PRMT9: variants seen among roughly 807,000 people sequenced by gnomAD.
PRMT9 encodes protein arginine methyltransferase 9.
Under a neutral mutation model 83.2 loss-of-function variants are expected in PRMT9, and 59 were observed. That is an observed-to-expected ratio of 0.71 (90% CI 0.57 to 0.88). The LOEUF (loss-of-function observed/expected upper bound fraction) is 0.88. PRMT9 is among the 40% of genes least tolerant of loss of function. The probability of loss-of-function intolerance (pLI) is 0.00; values close to 1 mark genes in which losing one functional copy is unlikely to be tolerated. For synonymous variants in PRMT9, 333 were observed against 353.2 expected, an observed-to-expected ratio of 0.94 and a Z score of 0.64; for missense variants, 947 against 1,021.9, an observed-to-expected ratio of 0.93 and a Z score of 1.00.
chr4:147,654,364 T>C lies in PRMT9; in HGVS notation c.1533A>G (p.Pro511=). ...SALANLQTSK[P]DAVEQTCILE... is the part of the protein sequence containing the mutation. ...ATATACATGTCTGCTCTACAGCATCTGGTTTACTGGTCTGAAGGTTAGCGA... is the reference window on the plus strand; with the variant it reads ...ATATACATGTCTGCTCTACAGCATCCGGTTTACTGGTCTGAAGGTTAGCGA... Residue 511 remains proline (P), a synonymous_variant, in exon 9 of 12, where the codon CCA becomes CCG. Transcript: ENST00000322396. 6.2e-7 allele frequency: 1 copy of C among 1,614,200 alleles called. No individual in the cohort carries two copies. Among genetic ancestry groups the C allele is most frequent in the Non-Finnish European group, 8.5e-7 (1 of 1,180,020 alleles).
At chr4:147,662,107 G>A (rs972991765) in intron 6 of PRMT9, among the ~76,000 whole-genome samples, 2 of 151,286 alleles carry the variant, frequency 1.3e-5, no homozygotes, top group Non-Finnish European at 2.9e-5. Flanking sequence ...TTCTGATAGC[G>A]AAAAAAAACT....
intron 6 of PRMT9, among the ~76,000 whole-genome samples, chr4:147,662,756 A>C (rs1223319377): frequency 6.6e-6 from 1 of 152,102 alleles, no homozygotes; most frequent in Admixed American, 6.5e-5. Context: ...CTATGATCAC[A>C]TCACTGCACT....
chr4:147,652,754 T>TCTGAAA (rs1734200648), intron 9 of PRMT9, among the ~76,000 whole-genome samples: 1 of 138,794 alleles, frequency 7.2e-6, no homozygotes, highest in Non-Finnish European at 1.5e-5. Context: ...ATCTATAAAC[T>TCTGAAA]AATACTGAAC....
chr4:147,681,121 C>T (rs951761939), intron 1 of PRMT9, among the ~76,000 whole-genome samples: 5 of 152,204 alleles, frequency 3.3e-5, no homozygotes, highest in African/African-American at 1.2e-4. Flanking sequence ...CTGACACAGG[C>T]TATAAGATTA....
At chr4:147,657,150 G>T (rs903843579) in intron 8 of PRMT9, among the ~76,000 whole-genome samples, 2 of 152,086 alleles carry the variant, frequency 1.3e-5, no homozygotes, top group African/African-American at 2.4e-5. Flanking sequence ...TCTCTAAGGA[G>T]TAAGAACTCC....
intron 6 of PRMT9, among the ~76,000 whole-genome samples, chr4:147,664,820 T>A (rs533662475): frequency 8.0e-4 from 122 of 151,846 alleles, no homozygotes; most frequent in African/African-American, 2.8e-3. Flanking sequence ...AAATTAAATT[T>A]TTTAAAAAAA....
chr4:147,677,266 A>T (rs968065640), intron 2 of PRMT9, among the ~76,000 whole-genome samples: 1 of 151,932 alleles, frequency 6.6e-6, no homozygotes, highest in African/African-American at 2.4e-5. Context: ...TTTCCTAACT[A>T]TAAAGTTTCT....
At chr4:147,675,349 G>A (rs1031669220) in intron 2 of PRMT9, among the ~76,000 whole-genome samples, 9 of 152,052 alleles carry the variant, frequency 5.9e-5, no homozygotes, top group Non-Finnish European at 7.4e-5. Flanking sequence ...AAGTCCAAAC[G>A]GGACTGCACT....
chr4:147,644,539 TA>T (rs35094215), intron 9 of PRMT9, among the ~76,000 whole-genome samples: 17 of 111,892 alleles, frequency 1.5e-4, no homozygotes, highest in African/African-American at 4.8e-4. Flanking sequence ...TGCTTATGGT[TA>T]AAAAAAAAAA....
intron 9 of PRMT9, among the ~76,000 whole-genome samples, chr4:147,650,972 T>C (rs563182129): frequency 3.9e-5 from 6 of 152,034 alleles, no homozygotes; most frequent in Non-Finnish European, 7.4e-5. Context: ...TGTGGTGGCA[T>C]GCGCCTGTAG....
At chr4:147,669,271 G>A (rs1176100566) in intron 5 of PRMT9, among the ~76,000 whole-genome samples, 1 of 151,678 alleles carries the variant, frequency 6.6e-6, no homozygotes, top group Non-Finnish European at 1.5e-5. Flanking sequence ...GTGACATTGC[G>A]AGGCTGAGGT....
At chr4:147,670,984 G>C (rs1215698210) in intron 4 of PRMT9, among the ~76,000 whole-genome samples, 1 of 152,092 alleles carries the variant, frequency 6.6e-6, no homozygotes, top group African/African-American at 2.4e-5. Flanking sequence ...AGGGTGGGGG[G>C]AGGTGGGGAA....
chr4:147,645,855 G>A (rs1205412544), intron 9 of PRMT9, among the ~76,000 whole-genome samples: 4 of 152,112 alleles, frequency 2.6e-5, no homozygotes, highest in African/African-American at 7.2e-5. Context: ...ATAAAGATAA[G>A]TCATGTTCCT....
At position 147,654,388 on chromosome 4, in the gene PRMT9, G is replaced by A. The variant is rs760650287; in HGVS notation, c.1509C>T (p.Leu503=). 1.5e-5 allele frequency: 24 copies of A among 1,614,058 alleles called. No individual in the cohort carries two copies. Among genetic ancestry groups the A allele is most frequent in the East Asian group, 6.7e-5 (3 of 44,896 alleles). The change falls in exon 9 of 12, where the codon CTC becomes CTT. Residue 503 remains leucine, a synonymous_variant. Transcript: ENST00000322396. ...CTGGTTTACTGGTCTGAAGGTTAGC[G>A]AGGGCACTACAAAGTTCAGCCTCAT... ...LGNEAELCSA[L]ANLQTSKPDA... is the part of the protein sequence containing the mutation.
chr4:147,654,151 G>C lies in PRMT9; in HGVS notation c.1746C>G (p.Phe582Leu). 3 of 1,614,210 alleles carry C rather than the reference G, an allele frequency of 1.9e-6. No homozygotes were observed. Among genetic ancestry groups the C allele is most frequent in the Non-Finnish European group, 2.5e-6 (3 of 1,180,040 alleles). The change falls in exon 9 of 12, where the codon TTC (phenylalanine) becomes TTG (leucine). Residue 582 changes from phenylalanine (F) to leucine (L), a missense_variant. Transcript: ENST00000322396. The stretch of plus-strand genomic sequence containing the variant: ...AGCCTTCGGACACATCTAACACGTA[G>C]AAAGGTTCAAGGATGTTCTGTACAG... ...SNTVQNILEP[F>L]YVLDVSEGFS... is the part of the protein sequence containing the mutation.
At chr4:147,662,212 C>T (rs1735014849) in intron 6 of PRMT9, among the ~76,000 whole-genome samples, 1 of 152,036 alleles carries the variant, frequency 6.6e-6, no homozygotes. Flanking sequence ...ACAAACTAAA[C>T]ACAAAAGAAG....
In PRMT9 at chr4:147,653,213, C is replaced by T. The variant is rs146926903; in HGVS notation, c.2045+639G>A. Among the ~76,000 whole-genome samples, 299 of 152,116 alleles carry T rather than the reference C, an allele frequency of 2.0e-3. 1 individual carries two copies. Among genetic ancestry groups the T allele is most frequent in the African/African-American group, 6.9e-3 (286 of 41,502 alleles). ...CTATAATCCCAGCACTTTGGGAGGT[C>T]AAGGGGGTGTGGATCACTTGAGGTC... On this transcript the variant is annotated intron_variant, in intron 9 of 11. Transcript: ENST00000322396.
In PRMT9 at chr4:147,657,868, A is replaced by T. The variant is rs781127580; in HGVS notation, c.1254T>A (p.Asp418Glu). The change falls in exon 8 of 12, where the codon GAT becomes GAA. Residue 418 changes from aspartate (D) to glutamate (E), a missense_variant. Transcript: ENST00000322396. ...IMVWFVLQLDDEHSLSTSPSE... is the reference protein window; with the variant it reads ...IMVWFVLQLDEEHSLSTSPSE... ...TAGGACTTGTGGATAAACTATGTTC[A>T]TCATCAAGCTGGAGCACAAACCAAA... 6.2e-7 allele frequency: 1 copy of T among 1,611,262 alleles called. No individual in the cohort carries two copies. Among genetic ancestry groups the T allele is most frequent in the Non-Finnish European group, 8.5e-7 (1 of 1,179,578 alleles).
rs201607320 is a variant in PRMT9 at position 147,654,107 on chromosome 4, A to G, written c.1790T>C (p.Ile597Thr). Residue 597 changes from isoleucine (I) to threonine (T), a missense_variant, in exon 9 of 12, where the codon ATT (isoleucine) becomes ACT (threonine). Transcript: ENST00000322396. ...TTTAACCTGCCCAAGTGTGCCAGCAATAACAGGCAGAACAGAGAAGCCTTC... is the reference window on the plus strand; with the variant it reads ...TTTAACCTGCCCAAGTGTGCCAGCAGTAACAGGCAGAACAGAGAAGCCTTC... The part of the protein sequence containing the change: ...VSEGFSVLPV[I>T]AGTLGQVKPY... 2.1e-5 allele frequency: 34 copies of G among 1,614,236 alleles called. No individual in the cohort carries two copies. In the East Asian group the frequency reaches 3.3e-4, roughly 16 times the overall value.
Sources: gnomAD v4.1 joint callset for allele counts (sites outside exome capture counted in the v4.1 genomes callset) on GRCh38, gnomAD v4.1.1 for gene constraint, MANE v1.5 for transcripts, NCBI Gene and HGNC (gene_info 2026-07-23, HGNC 2026-07-21) for gene names.